Variants in KIF6 observed in about 807,000 individuals in gnomAD.
KIF6 encodes the protein kinesin-like protein KIF6.
Under a neutral mutation model 112.7 loss-of-function variants are expected in KIF6, and 106 were observed. The observed-to-expected ratio is 0.94, with a 90% confidence interval of 0.80 to 1.11. The LOEUF (loss-of-function observed/expected upper bound fraction) is 1.11. Among genes scored for constraint, KIF6 ranks in the 50% least tolerant of loss-of-function variants. The pLI is 0.00. For missense variants in KIF6, 929 were observed against 964.0 expected (o/e 0.96, Z 0.48); for synonymous variants, 339 against 339.9 (o/e 1.00, Z 0.03).
At chr6:39,531,747 C>T (rs2150545461) in intron 13 of KIF6, among the ~76,000 whole-genome samples, 1 of 152,234 alleles carries the variant, frequency 6.6e-6, no homozygotes, top group South Asian at 2.1e-4. Context: ...ATCCAATCTG[C>T]CCCAGATCCC....
At chr6:39,549,139 C>G (rs1002825176) in intron 10 of KIF6, among the ~76,000 whole-genome samples, 1 of 151,932 alleles carries the variant, frequency 6.6e-6, no homozygotes, top group African/African-American at 2.4e-5. Context: ...TATATGGCCA[C>G]ATAATTAGAA....
At chr6:39,363,436 T>C (rs945157159) in intron 16 of KIF6, among the ~76,000 whole-genome samples, 2 of 151,956 alleles carry the variant, frequency 1.3e-5, no homozygotes, top group Admixed American at 1.3e-4. Flanking sequence ...AGCTGCTGCG[T>C]GTGTCTGCGT....
Position 39,333,386 on chromosome 6 carries a change from A to G in KIF6, c.*3146T>C, listed in dbSNP as rs572682302. 31 of 152,388 alleles carry G rather than the reference A, an allele frequency of 2.0e-4. No individual in the cohort carries two copies. The highest frequency in any genetic ancestry group is 7.0e-4 in the African/African-American group (29 of 41,592). 9.4% of individuals were successfully genotyped at this position (152,388 alleles called of 1,614,324 possible). On this transcript the variant is annotated 3_prime_UTR_variant, in exon 23 of 23. Transcript: ENST00000287152. ...ATGCCAATAGGTCTTTGGGTGAGCC[A>G]TAGTTCAGCTGATCTGGGCTGGGCT...
chr6:39,351,282 T>C (rs1764227688), intron 19 of KIF6, among the ~76,000 whole-genome samples: 1 of 149,800 alleles, frequency 6.7e-6, no homozygotes, highest in South Asian at 2.1e-4. Flanking sequence ...CAGACTAGAG[T>C]GCAGTGGTGC....
Position 39,457,228 on chromosome 6 carries a change from G to A in KIF6, c.1646-26067C>T, listed in dbSNP as rs1352284764. ...AGAATTAATAATCTCACTCAAAGCC[G>A]CTCAACTACATGGAAACTGAACAAC... On this transcript the variant is annotated intron_variant, in intron 13 of 22. Coordinates refer to ENST00000287152, the MANE Select transcript of KIF6 (RefSeq NM_145027.6). Among the ~76,000 whole-genome samples, 807 of 151,524 alleles carry A rather than the reference G, an allele frequency of 5.3e-3. 9 individuals are homozygous for A. The highest frequency in any genetic ancestry group is 0.018 in the African/African-American group (742 of 41,182).
At chr6:39,365,464 C>T (rs1765490016) in intron 16 of KIF6, among the ~76,000 whole-genome samples, 1 of 152,132 alleles carries the variant, frequency 6.6e-6, no homozygotes, top group Admixed American at 6.6e-5. Context: ...TAGTGTCTTC[C>T]CCCAGTGCTG....
At chr6:39,622,788 C>T (rs1368840362) in intron 5 of KIF6, among the ~76,000 whole-genome samples, 1 of 152,192 alleles carries the variant, frequency 6.6e-6, no homozygotes, top group African/African-American at 2.4e-5. Flanking sequence ...TGTTTCCTTC[C>T]AGAAATGTGC....
intron 15 of KIF6, among the ~76,000 whole-genome samples, chr6:39,399,423 C>T (rs1471944043): frequency 6.6e-6 from 1 of 152,148 alleles, no homozygotes; most frequent in Admixed American, 6.5e-5. Flanking sequence ...CCGGGTCCTG[C>T]GACTAAAGAA....
intron 15 of KIF6, among the ~76,000 whole-genome samples, chr6:39,393,833 A>G (rs1200498832): frequency 6.6e-6 from 1 of 152,178 alleles, no homozygotes; most frequent in Admixed American, 6.5e-5. Flanking sequence ...TCAATAGAAG[A>G]TCAGAAAAAA....
At chr6:39,617,899 G>C (rs1783613201) in intron 5 of KIF6, 1 of 317,680 alleles carries the variant, frequency 3.1e-6, no homozygotes, top group African/African-American at 2.1e-5. Flanking sequence ...TAAATAAAGA[G>C]AACATTCACT....
intron 6 of KIF6, among the ~76,000 whole-genome samples, chr6:39,601,259 T>C (rs1782553765): frequency 6.6e-6 from 1 of 152,128 alleles, no homozygotes; most frequent in Admixed American, 6.6e-5. Flanking sequence ...TTTCCACTTA[T>C]CTGTATCTCC....
chr6:39,590,451 A>ATATATATTT (rs1338373703), intron 7 of KIF6, among the ~76,000 whole-genome samples: 29 of 84,748 alleles, frequency 3.4e-4, no homozygotes, highest in African/African-American at 1.4e-3. Flanking sequence ...ATATATATAT[A>ATATATATTT]TTTTTTTTTT....
Position 39,345,690 on chromosome 6 carries a change from G to C in KIF6, c.2321+10C>G, listed in dbSNP as rs1219770173. On this transcript the variant is annotated intron_variant, in intron 21 of 22. Transcript: ENST00000287152. ...GGCTGTCACAGGCATAACAGGAGAA[G>C]ACCACAGACCTGTCTTCCAGTGGGG... 6.2e-7 allele frequency: 1 copy of C among 1,609,826 alleles called. No homozygotes were observed. Among genetic ancestry groups the C allele is most frequent in the Admixed American group, 1.7e-5 (1 of 59,602 alleles).
intron 13 of KIF6, among the ~76,000 whole-genome samples, chr6:39,473,237 A>C (rs1476678560): frequency 6.6e-6 from 1 of 152,200 alleles, no homozygotes; most frequent in Non-Finnish European, 1.5e-5. Flanking sequence ...AAAGACTTCT[A>C]CATCCCAGGC....
chr6:39,707,726 G>T (rs1221440946), intron 3 of KIF6, among the ~76,000 whole-genome samples: 1 of 152,210 alleles, frequency 6.6e-6, no homozygotes, highest in Non-Finnish European at 1.5e-5. Context: ...AGAAATTAAA[G>T]ATTTCTAATT....
intron 22 of KIF6, among the ~76,000 whole-genome samples, chr6:39,340,360 T>C (rs1184334022): frequency 6.6e-6 from 1 of 152,050 alleles, no homozygotes; most frequent in Non-Finnish European, 1.5e-5. Flanking sequence ...CCCTCGTCAA[T>C]GCTGGTTCCT....
At chr6:39,531,287 G>T (rs1490162487) in intron 13 of KIF6, among the ~76,000 whole-genome samples, 3 of 152,020 alleles carry the variant, frequency 2.0e-5, no homozygotes, top group African/African-American at 7.3e-5. Flanking sequence ...CAAAACTCTA[G>T]TCTGTCTCAA....
chr6:39,648,997 C>CAAA (rs11457388), intron 3 of KIF6, among the ~76,000 whole-genome samples: 9 of 126,274 alleles, frequency 7.1e-5, no homozygotes, highest in African/African-American at 1.7e-4. Flanking sequence ...CTGTCTCTGC[C>CAAA]AAAAAAAAAA....
chr6:39,610,867 T>C (rs1783177316), intron 6 of KIF6, among the ~76,000 whole-genome samples: 1 of 152,164 alleles, frequency 6.6e-6, no homozygotes. Flanking sequence ...CTATTAGACT[T>C]GGTTTTTTAA....
Sources: allele counts gnomAD v4.1 joint callset (sites outside exome capture counted in the v4.1 genomes callset), GRCh38; gene constraint gnomAD v4.1.1; transcripts MANE v1.5; gene names NCBI Gene and HGNC (gene_info 2026-07-23, HGNC 2026-07-21).